The following CCDC88B variants were observed in gnomAD, a reference collection of about 807,000 sequenced individuals.
The protein encoded by CCDC88B is coiled-coil domain-containing protein 88B.
Under a neutral mutation model 183.7 loss-of-function variants are expected in CCDC88B, and 138 were observed. That is an observed-to-expected ratio of 0.75 (90% CI 0.65 to 0.87). The LOEUF is 0.87. Among genes scored for constraint, CCDC88B ranks in the 40% least tolerant of loss-of-function variants. CCDC88B has a pLI of 0.00. For synonymous variants in CCDC88B, 835 were observed against 867.5 expected (o/e 0.96, Z 0.66); for missense variants, 1,822 against 1,965.6 (o/e 0.93, Z 1.38).
rs563968426 is a variant in CCDC88B at position 64,350,034 on chromosome 11, G to T, written c.2862+366G>T. The T allele has an allele frequency of 2.0e-5, 6 of 307,046 alleles. No homozygotes were observed. The South Asian group carries it at 2.2e-4, about 11-fold the overall frequency. The allele number at this position is 307,046 out of a possible 1,614,324, so 19.0% of individuals were successfully genotyped here. On this transcript the variant is annotated intron_variant, in intron 16 of 26. Transcript: ENST00000356786. Reference sequence around the variant, plus strand: ...GGCTCCACACGGAGGGTGGGGTGGTGGTGGGGCCCAATCCCAGGCTGCCAT... The same window carrying T: ...GGCTCCACACGGAGGGTGGGGTGGTTGTGGGGCCCAATCCCAGGCTGCCAT...
Position 64,342,031 on chromosome 11 carries a change from G to T in CCDC88B, c.713G>T (p.Cys238Phe), listed in dbSNP as rs1056937822. 2 of 1,612,708 alleles carry T rather than the reference G, an allele frequency of 1.2e-6. No individual in the cohort carries two copies. The highest frequency in any genetic ancestry group is 3.3e-5 in the Admixed American group (2 of 60,010). ...CTGCTGCTGGAGCGAGAACCCCTCT[G>T]CTTGAGGCCTGAGGCTCCCTCTAGG... is the stretch of plus-strand genomic sequence containing the variant. ...AELLLEREPL[C>F]LRPEAPSRAP... The change falls in exon 8 of 27, where the codon TGC (cysteine) becomes TTC (phenylalanine). Residue 238 changes from cysteine to phenylalanine, a missense_variant. Physicochemically the swap from Cys to Phe is radical, Grantham distance 205. Transcript: ENST00000356786.
intron 14 of CCDC88B, among the ~76,000 whole-genome samples, chr11:64,348,296 G>T (rs2036194832): frequency 6.6e-6 from 1 of 151,590 alleles, no homozygotes; most frequent in African/African-American, 2.4e-5. Flanking sequence ...GTTGGAGCAG[G>T]AGAAGGTGGC....
chr11:64,353,757 G>A lies in CCDC88B; in HGVS notation c.3876G>A (p.Val1292=). The change falls in exon 23 of 27, where the codon GTG becomes GTA. Residue 1292 remains valine, a synonymous_variant. Transcript: ENST00000356786. Reference sequence around the variant, plus strand: ...TGCGCCGCGAGAAGCAGAAGCTCGTGGAGAAGATCATGGACCAATACCGCG... The same window carrying A: ...TGCGCCGCGAGAAGCAGAAGCTCGTAGAGAAGATCATGGACCAATACCGCG... ...NALRREKQKL[V]EKIMDQYRVL... 2 of 1,614,134 alleles carry A rather than the reference G, an allele frequency of 1.2e-6. No individual in the cohort carries two copies. The highest frequency in any genetic ancestry group is 2.2e-5 in the South Asian group (2 of 91,082).
rs528778134 is a variant in CCDC88B at position 64,356,672 on chromosome 11, C to G, written c.4376-367C>G. 7.9e-4 allele frequency: 263 copies of G among 332,830 alleles called. 3 individuals are homozygous for G. Among genetic ancestry groups the G allele is most frequent in the African/African-American group, 5.2e-3 (251 of 48,064 alleles). The allele number at this position is 332,830 out of a possible 1,614,324, so 20.6% of individuals were successfully genotyped here. A position where few individuals can be genotyped will look rare whatever the true frequency, so the allele number is the denominator to read the frequency against. On this transcript the variant is annotated intron_variant, in intron 26 of 26. Transcript: ENST00000356786. ...TAGCTCCGCCCTGGGCAGCTCAGCC[C>G]TAGACCCGGCTGGACCATCAGGAGG...
At chr11:64,353,328 G>A (rs80181608) in intron 21 of CCDC88B, 23 bp from the exon 22 acceptor site, 47,349 of 1,610,790 alleles carry the variant, frequency 0.029, 846 homozygotes, top group Non-Finnish European at 0.037. Context: ...CCCACCCTCC[G>A]AGCCATGGTG....
intron 10 of CCDC88B, chr11:64,342,906 G>A: frequency 2.4e-6 from 1 of 413,826 alleles, no homozygotes; most frequent in Non-Finnish European, 4.2e-6. Flanking sequence ...TGCAGCCTTG[G>A]AAGGAGGGCT....
In CCDC88B at chr11:64,342,046, C is replaced by G; in HGVS notation, c.728C>G (p.Ala243Gly). The change falls in exon 8 of 27, where the codon GCT (alanine) becomes GGT (glycine). Residue 243 changes from alanine (A) to glycine (G), a missense_variant. Physicochemically the swap from Ala to Gly is moderately conservative, Grantham distance 60. Coordinates refer to ENST00000356786, the MANE Select transcript of CCDC88B (RefSeq NM_032251.6). Reference protein sequence around the residue: ...EREPLCLRPEAPSRAPAEGPS... With the variant: ...EREPLCLRPEGPSRAPAEGPS... Reference sequence around the variant, plus strand: ...GAACCCCTCTGCTTGAGGCCTGAGGCTCCCTCTAGGGCTCCCGCCGAGGGC... The same window carrying G: ...GAACCCCTCTGCTTGAGGCCTGAGGGTCCCTCTAGGGCTCCCGCCGAGGGC... 6.2e-7 allele frequency: 1 copy of G among 1,612,314 alleles called. No homozygotes were observed. The highest frequency in any genetic ancestry group is 8.5e-7 in the Non-Finnish European group (1 of 1,179,616).
Position 64,352,321 on chromosome 11 carries a change from G to A in CCDC88B, c.3291G>A (p.Val1097=). ...RQEAELEGLL[V]RHRDLKANMR... The stretch of plus-strand genomic sequence containing the variant: ...AGGCCGAGCTAGAGGGACTGCTGGT[G>A]CGGCACCGAGACCTCAAGGCCAACA... Residue 1097 remains valine (V), a synonymous_variant, in exon 19 of 27, where the codon GTG becomes GTA. Coordinates refer to ENST00000356786, the MANE Select transcript of CCDC88B (RefSeq NM_032251.6). The A allele has an allele frequency of 1.9e-6, 3 of 1,550,440 alleles. No homozygotes were observed. Among genetic ancestry groups the A allele is most frequent in the Non-Finnish European group, 2.6e-6 (3 of 1,148,750 alleles).
In CCDC88B at chr11:64,344,959, T is replaced by C. The variant is rs2036043057; in HGVS notation, c.2418T>C (p.Ser806=). ...AVEAAGQELE[S]ASQEREALVE... ...AGGCTGCTGGCCAGGAGCTGGAGTC[T>C]GCGTCCCAGGAACGGGAGGCGCTGG... The change falls in exon 14 of 27, where the codon TCT becomes TCC. Residue 806 remains serine (S), a synonymous_variant. Transcript: ENST00000356786. The surrounding 1 kb of genome is among the most constrained non-coding windows in gnomAD (Gnocchi z 4.5). 3 of 1,552,594 alleles carry C rather than the reference T, an allele frequency of 1.9e-6. No individual in the cohort carries two copies. Among genetic ancestry groups the C allele is most frequent in the Non-Finnish European group, 2.6e-6 (3 of 1,149,458 alleles).
At chr11:64,349,081 C>T (rs1039140656) in intron 14 of CCDC88B, 9 of 715,984 alleles carry the variant, frequency 1.3e-5, no homozygotes, top group Admixed American at 4.0e-5. Context: ...CATGTGTCAC[C>T]TACCGACTCC....
At chr11:64,347,977 G>T (rs575087312) in intron 14 of CCDC88B, among the ~76,000 whole-genome samples, 21 of 148,348 alleles carry the variant, frequency 1.4e-4, no homozygotes, top group Non-Finnish European at 2.8e-4. Context: ...TTGAACCCAG[G>T]AGGCAGAGGT....
At position 64,353,204 on chromosome 11, in the gene CCDC88B, G is replaced by T; in HGVS notation, c.3651G>T (p.Leu1217=). The stretch of plus-strand genomic sequence containing the variant: ...AGCTGCGCGAGTCCAACCAGCAGCT[G>T]GACCTGAGCGCCTGCCGGCTGACCA... ...SQQLRESNQQ[L]DLSACRLTTQ... The change falls in exon 21 of 27, where the codon CTG becomes CTT. Residue 1217 remains leucine, a synonymous_variant. Transcript: ENST00000356786. 6.4e-7 allele frequency: 1 copy of T among 1,572,998 alleles called. No individual in the cohort carries two copies.
Position 64,340,407 on chromosome 11 carries a change from G to A in CCDC88B, c.60+81G>A, listed in dbSNP as rs183224321. On this transcript the variant is annotated intron_variant, in intron 1 of 26. Transcript: ENST00000356786. Reference sequence around the variant, plus strand: ...TGGTGTTGGCGCTGGCCGGGGGAGGGTGAGGCAGAACCAGGCCGGAGGGGA... The same window carrying A: ...TGGTGTTGGCGCTGGCCGGGGGAGGATGAGGCAGAACCAGGCCGGAGGGGA... The A allele has an allele frequency of 2.1e-3, 2,671 of 1,290,006 alleles. 18 individuals are homozygous for A. In the Middle Eastern group the frequency reaches 0.023, roughly 11 times the overall value. The allele number at this position is 1,290,006 out of a possible 1,614,324, so 79.9% of individuals were successfully genotyped here.
In CCDC88B at chr11:64,354,183, G is replaced by C; in HGVS notation, c.4099+13G>C. ...GCAGATGGGACAGGTGGGTCTGGGGGTCAGGTGGCCAGGATGGTCCCTGCC... is the reference window on the plus strand; with the variant it reads ...GCAGATGGGACAGGTGGGTCTGGGGCTCAGGTGGCCAGGATGGTCCCTGCC... On this transcript the variant is annotated intron_variant, in intron 24 of 26. Coordinates refer to ENST00000356786, the MANE Select transcript of CCDC88B (RefSeq NM_032251.6). 1 of 1,339,400 alleles carries C rather than the reference G, an allele frequency of 7.5e-7. No homozygotes were observed. Among genetic ancestry groups the C allele is most frequent in the Middle Eastern group, 2.8e-4 (1 of 3,536 alleles). The allele number at this position is 1,339,400 out of a possible 1,614,324, so 83.0% of individuals were successfully genotyped here. A position where few individuals can be genotyped will look rare whatever the true frequency, so the allele number is the denominator to read the frequency against.
In CCDC88B at chr11:64,353,122, G is replaced by C. The variant is rs756218988; in HGVS notation, c.3569G>C (p.Arg1190Pro). ...GELQGERGEL[R>P]GRLARLELER... Reference sequence around the variant, plus strand: ...CTGCAGGGTGAACGCGGGGAGCTACGGGGCCGGCTGGCGCGGCTGGAGCTG... The same window carrying C: ...CTGCAGGGTGAACGCGGGGAGCTACCGGGCCGGCTGGCGCGGCTGGAGCTG... The change falls in exon 21 of 27, where the codon CGG becomes CCG. Residue 1190 changes from arginine to proline, a missense_variant. Transcript: ENST00000356786. 6 of 1,604,810 alleles carry C rather than the reference G, an allele frequency of 3.7e-6. No individual in the cohort carries two copies. The highest frequency in any genetic ancestry group is 5.1e-6 in the Non-Finnish European group (6 of 1,176,704).
chr11:64,342,875 G>A (rs1342672633), intron 10 of CCDC88B, 195 bp downstream of exon 10: 28 of 549,040 alleles, frequency 5.1e-5, no homozygotes, highest in East Asian at 1.8e-4. Flanking sequence ...GTGTAGGGGA[G>A]TGGGGGGGCT....
Position 64,344,269 on chromosome 11 carries a change from G to A in CCDC88B, c.1728G>A (p.Pro576=), listed in dbSNP as rs553055480. ...AMDPQASDWS[P]QESGSPVETQ... is the part of the protein sequence containing the mutation. ...ACCCCCAGGCCTCAGACTGGTCCCC[G>A]CAAGAGTCAGGCTCTCCTGTGGAGA... The change falls in exon 14 of 27, where the codon CCG becomes CCA. Residue 576 remains proline (P), a synonymous_variant. Transcript: ENST00000356786. The surrounding 1 kb of genome is among the most constrained non-coding windows in gnomAD (Gnocchi z 4.5). 3.0e-4 allele frequency: 481 copies of A among 1,613,754 alleles called. 4 individuals are homozygous for A. In the South Asian group the frequency reaches 4.9e-3, roughly 17 times the overall value.
chr11:64,347,288 C>G (rs994197970), intron 14 of CCDC88B, among the ~76,000 whole-genome samples: 8 of 152,144 alleles, frequency 5.3e-5, no homozygotes, highest in Admixed American at 5.2e-4. Flanking sequence ...CTGAAGGCTC[C>G]CCAATGGGCA....
rs376357857 is a variant in CCDC88B at position 64,355,296 on chromosome 11, C to T, written c.4202C>T (p.Pro1401Leu). 21 of 1,591,922 alleles carry T rather than the reference C, an allele frequency of 1.3e-5. No individual in the cohort carries two copies. Among genetic ancestry groups the T allele is most frequent in the Admixed American group, 7.1e-5 (4 of 56,546 alleles). Reference protein sequence around the residue: ...GQRRKLSSRFPVGRSSESFSP... With the variant: ...GQRRKLSSRFLVGRSSESFSP... ...CGGCGGAAACTCAGCTCAAGGTTCC[C>T]GGTGGGGCGAAGCTCTGAGTCATTC... Residue 1401 changes from proline to leucine, a missense_variant, in exon 25 of 27, where the codon CCG (proline) becomes CTG (leucine). By Grantham distance (98) the Pro-to-Leu change is moderately conservative. Coordinates refer to ENST00000356786, the MANE Select transcript of CCDC88B (RefSeq NM_032251.6).
Sources: allele counts gnomAD v4.1 joint callset (sites outside exome capture counted in the v4.1 genomes callset), GRCh38; gene constraint gnomAD v4.1.1; non-coding constraint Gnocchi (gnomAD v3.1); transcripts MANE v1.5; gene names NCBI Gene and HGNC (gene_info 2026-07-23, HGNC 2026-07-21).